PIWIL3: variants seen among roughly 807,000 people sequenced by gnomAD.
The protein encoded by PIWIL3 is piwi-like protein 3.
PIWIL3 carries 101 observed loss-of-function variants against 109.7 expected under a neutral mutation model. That is an observed-to-expected ratio of 0.92 (90% confidence interval 0.78 to 1.09). The LOEUF (loss-of-function observed/expected upper bound fraction) is 1.09. Ranked by LOEUF, PIWIL3 falls within the 50% of genes least tolerant of loss-of-function variation. PIWIL3 has a pLI of 0.00. For missense variants in PIWIL3, 1,031 were observed against 1,072.6 expected (o/e 0.96, Z 0.54); for synonymous variants, 373 against 376.4 (o/e 0.99, Z 0.10).
At chr22:24,726,499 A>G (rs926014326) in intron 16 of PIWIL3, among the ~76,000 whole-genome samples, 34 of 152,000 alleles carry the variant, frequency 2.2e-4, no homozygotes, top group African/African-American at 7.5e-4. Flanking sequence ...GTTAGCCAGT[A>G]TGGTCTCGAT....
chr22:24,719,731 TAAC>T lies in PIWIL3; in HGVS notation c.2505+14_2505+16del. 6.2e-7 allele frequency: 1 copy of T among 1,601,862 alleles called. No homozygotes were observed. The highest frequency in any genetic ancestry group is 8.6e-7 in the Non-Finnish European group (1 of 1,169,540). On this transcript the variant is annotated intron_variant, in intron 20 of 20. Transcript: ENST00000616349. ...CATTTAAAAAATCTGAAGAAAAAAG[TAAC>T]AAAAAGTACTTACTGGCAAATTATA...
At chr22:24,727,876 A>G (rs1923088102) in intron 16 of PIWIL3, 74 bp downstream of exon 16, 3 of 1,204,290 alleles carry the variant, frequency 2.5e-6, no homozygotes, top group East Asian at 2.4e-5. Flanking sequence ...GTTAACACAT[A>G]TTAATTAGGT....
intron 7 of PIWIL3, 111 bp from the exon 8 acceptor site, chr22:24,754,328 T>A (rs1479080504): frequency 1.2e-6 from 1 of 810,110 alleles, no homozygotes; most frequent in African/African-American, 1.7e-5. Context: ...GTTTTAAGTA[T>A]TTATTCTTAG....
At chr22:24,738,556 A>G (rs1170432845) in intron 12 of PIWIL3, among the ~76,000 whole-genome samples, 1 of 152,248 alleles carries the variant, frequency 6.6e-6, no homozygotes, top group African/African-American at 2.4e-5. Flanking sequence ...ACAGAGACAC[A>G]GAAAGTAAGC....
chr22:24,732,084 T>C (rs1923384538), intron 14 of PIWIL3, among the ~76,000 whole-genome samples: 1 of 152,234 alleles, frequency 6.6e-6, no homozygotes, highest in African/African-American at 2.4e-5. Flanking sequence ...TGCCTGGTCA[T>C]GTCATTACCA....
At position 24,719,911 on chromosome 22, in the gene PIWIL3, A is replaced by G. The variant is rs752057987; in HGVS notation, c.2358-16T>C. The G allele has an allele frequency of 3.1e-6, 5 of 1,597,318 alleles. No individual in the cohort carries two copies. The South Asian group carries it at 3.4e-5, about 11-fold the overall frequency. Reference sequence around the variant, plus strand: ...AAAGTCATACCTGGAAATATAGGACATGTGGGTATCAGCTCATTTTAGAAA... The same window carrying G: ...AAAGTCATACCTGGAAATATAGGACGTGTGGGTATCAGCTCATTTTAGAAA... On this transcript the variant is annotated splice_polypyrimidine_tract_variant and intron_variant, in intron 19 of 20. Coordinates refer to ENST00000616349, the MANE Select transcript of PIWIL3 (RefSeq NM_001255975.1).
rs371583028 is a variant in PIWIL3 at position 24,754,809 on chromosome 22, T to C, written c.748A>G (p.Lys250Glu). Residue 250 changes from lysine (K) to glutamate (E), a missense_variant, in exon 7 of 21, where the codon AAG becomes GAG. Transcript: ENST00000616349. The stretch of plus-strand genomic sequence containing the variant: ...CCATGACGGTATAACTGAATGGCCT[T>C]CTTTTTGGTATAATAGTTGCGACCA... ...QVGRNYYTKK[K>E]AIQLYRHGTS... 1.2e-5 allele frequency: 19 copies of C among 1,611,736 alleles called. No homozygotes were observed. The highest frequency in any genetic ancestry group is 1.0e-4 in the Admixed American group (6 of 60,004).
In PIWIL3 at chr22:24,725,007, G is replaced by A. The variant is rs1393053537; in HGVS notation, c.2111C>T (p.Ser704Leu). 2 of 1,614,038 alleles carry A rather than the reference G, an allele frequency of 1.2e-6. No homozygotes were observed. The highest frequency in any genetic ancestry group is 2.2e-5 in the South Asian group (2 of 91,084). ...CACAATAACAGAATGTGGCATCGAT[G>A]ATTCGTTTTTACACCAGACATCCAG... ...AALDVWCKNESSMPHSVIVYR... is the reference protein window; with the variant it reads ...AALDVWCKNELSMPHSVIVYR... The change falls in exon 18 of 21, where the codon TCA becomes TTA. Residue 704 changes from serine (S) to leucine (L), a missense_variant. Coordinates refer to ENST00000616349, the MANE Select transcript of PIWIL3 (RefSeq NM_001255975.1).
Position 24,760,509 on chromosome 22 carries a change from C to T in PIWIL3, c.103-520G>A, listed in dbSNP as rs1601849431. Among the ~76,000 whole-genome samples the T allele has an allele frequency of 3.9e-5, 6 of 152,066 alleles. No individual in the cohort carries two copies. The South Asian group carries it at 1.2e-3, about 32-fold the overall frequency. On this transcript the variant is annotated intron_variant, in intron 2 of 20. Transcript: ENST00000616349. ...ATAAAATGAGAGCTGTGACAGAGGC[C>T]AGGTGCAGTGGCTCACGCCTGTAAT...
In PIWIL3 at chr22:24,727,970, A is replaced by T. The variant is rs372691275; in HGVS notation, c.1989T>A (p.Ser663Arg). The T allele has an allele frequency of 2.5e-6, 4 of 1,613,040 alleles. No individual in the cohort carries two copies. In the African/African-American group the frequency reaches 5.3e-5, roughly 22 times the overall value. ...RQKSIAGFVA[S>R]TNAELTKWYS... is the part of the protein sequence containing the mutation. ...CTTACTTTGTTAATTCAGCATTGGT[A>T]CTTGCAACAAATCCTGCTATTGATT... The change falls in exon 16 of 21, where the codon AGT becomes AGA. Residue 663 changes from serine to arginine, a missense_variant. Transcript: ENST00000616349.
At chr22:24,741,218 G>A (rs1011918188) in intron 12 of PIWIL3, among the ~76,000 whole-genome samples, 2 of 152,170 alleles carry the variant, frequency 1.3e-5, no homozygotes, top group Non-Finnish European at 2.9e-5. Flanking sequence ...ATCGCTTTAT[G>A]ATTAAAAACC....
In PIWIL3 at chr22:24,755,784, C is replaced by T. The variant is rs1218212959; in HGVS notation, c.692G>A (p.Arg231Lys). 1.2e-6 allele frequency: 2 copies of T among 1,613,898 alleles called. No homozygotes were observed. The highest frequency in any genetic ancestry group is 2.2e-5 in the East Asian group (1 of 44,886). The change falls in exon 6 of 21, where the codon AGA becomes AAA. Residue 231 changes from arginine (R) to lysine (K), a missense_variant and splice_region_variant. Transcript: ENST00000616349. ...AAGAAACTCAACCCCGGTAACATAC[C>T]TTCTAAAGAGAATGTTGTAATAGCG... ...CLRYYNILFR[R>K]TFKLLDFEQV...
intron 4 of PIWIL3, among the ~76,000 whole-genome samples, chr22:24,757,659 TACACACACACAC>T (rs57298578): frequency 0.016 from 1,713 of 109,772 alleles, 36 homozygotes; most frequent in African/African-American, 0.044. Context: ...ATGTATATAT[TACACACACACAC>T]ACACACACAC....
intron 1 of PIWIL3, among the ~76,000 whole-genome samples, chr22:24,764,625 CGTGTGT>C (rs140531011): frequency 0.16 from 21,624 of 134,582 alleles, 1,693 homozygotes; most frequent in Middle Eastern, 0.26. Context: ...TTGACCTTGC[CGTGTGT>C]GTGTGTGTGT....
intron 14 of PIWIL3, among the ~76,000 whole-genome samples, chr22:24,733,709 AC>A (rs1178740932): frequency 4.7e-5 from 4 of 85,080 alleles, no homozygotes; most frequent in African/African-American, 1.5e-4. Flanking sequence ...AAAAACAACA[AC>A]AACAAAAAAA....
chr22:24,759,883 C>T lies in PIWIL3; in HGVS notation c.209G>A (p.Gly70Glu). ...PRAARGGAGG[G>E]AQSQGVKEPG... ...CTTCCTTTCACCTTGAGACTGTGCT[C>T]CTCCTCCTGCTCCTCCTCTTGCTGC... The change falls in exon 3 of 21, where the codon GGA (glycine) becomes GAA (glutamate). Residue 70 changes from glycine to glutamate, a missense_variant. Gly to Glu is a moderately conservative substitution (Grantham distance 98). Transcript: ENST00000616349. 1 of 1,614,074 alleles carries T rather than the reference C, an allele frequency of 6.2e-7. No homozygotes were observed. Among genetic ancestry groups the T allele is most frequent in the Non-Finnish European group, 8.5e-7 (1 of 1,179,972 alleles).
intron 19 of PIWIL3, among the ~76,000 whole-genome samples, chr22:24,720,259 GTTTTTTTTT>G (rs56087060): frequency 0.44 from 47,328 of 107,140 alleles, 9,046 homozygotes; most frequent in Admixed American, 0.59. Flanking sequence ...TATTTAAACT[GTTTTTTTTT>G]TTTTTTTTTT....
chr22:24,734,809 C>A (rs1232958347), intron 13 of PIWIL3, among the ~76,000 whole-genome samples: 3 of 149,454 alleles, frequency 2.0e-5, no homozygotes, highest in African/African-American at 7.4e-5. Flanking sequence ...AGCTAGTTAA[C>A]CAGAACATAA....
chr22:24,755,171 G>A (rs1439183703), intron 6 of PIWIL3, among the ~76,000 whole-genome samples: 1 of 152,184 alleles, frequency 6.6e-6, no homozygotes, highest in African/African-American at 2.4e-5. Flanking sequence ...TGCCCAGGCT[G>A]GAGTGTGGTG....
Sources: gnomAD v4.1 joint callset for allele counts (sites outside exome capture counted in the v4.1 genomes callset) on GRCh38, gnomAD v4.1.1 for gene constraint, MANE v1.5 for transcripts, NCBI Gene and HGNC (gene_info 2026-07-23, HGNC 2026-07-21) for gene names.